The following SGCB variants were observed in gnomAD, a reference collection of about 807,000 sequenced individuals.
The protein encoded by SGCB is beta-sarcoglycan.
Under a neutral mutation model 27.3 loss-of-function variants are expected in SGCB, and 25 were observed. The ratio of observed to expected loss-of-function variants is 0.92; its 90% CI spans 0.67 to 1.28. SGCB has a LOEUF of 1.28. SGCB is among the 50% of genes most tolerant of loss of function. SGCB has a pLI of 0.00. For missense variants in SGCB, 436 were observed against 402.1 expected (o/e 1.08, Z -0.72); for synonymous variants, 147 against 133.5 (o/e 1.10, Z -0.70).
chr4:52,038,159 C>T lies in SGCB; in HGVS notation c.33+68G>A, dbSNP rs946057967. 14 of 1,161,364 alleles carry T rather than the reference C, an allele frequency of 1.2e-5. 1 individual carries two copies. Among genetic ancestry groups the T allele is most frequent in the Non-Finnish European group, 1.5e-5 (14 of 944,658 alleles). 71.9% of individuals were successfully genotyped at this position (1,161,364 alleles called of 1,614,324 possible). A position where few individuals can be genotyped will look rare whatever the true frequency, so the allele number is the denominator to read the frequency against. ...CCCGCACCCCCGGCCAGGGCTCCCG[C>T]GGGCCCAGCCGGCAGGACGCGGCCT... On this transcript the variant is annotated intron_variant, in intron 1 of 5. Coordinates refer to ENST00000381431, the MANE Select transcript of SGCB (RefSeq NM_000232.5).
At chr4:52,032,880 G>A (rs1448223012) in intron 2 of SGCB, among the ~76,000 whole-genome samples, 1 of 152,098 alleles carries the variant, frequency 6.6e-6, no homozygotes, top group Non-Finnish European at 1.5e-5. Flanking sequence ...AAATATCTTT[G>A]GAAAAGGCAT....
intron 3 of SGCB, 111 bp from the exon 4 acceptor site, chr4:52,029,032 A>G (rs1476090110): frequency 2.7e-6 from 2 of 748,088 alleles, no homozygotes; most frequent in South Asian, 3.2e-5. Context: ...AAAAACCCCA[A>G]TAACAGACTA....
rs769063117 is a variant in SGCB at position 52,028,116 on chromosome 4, C to G, written c.622-17G>C. On this transcript the variant is annotated splice_polypyrimidine_tract_variant and intron_variant, in intron 4 of 5. Coordinates refer to ENST00000381431, the MANE Select transcript of SGCB (RefSeq NM_000232.5). ...GCTGGTAATCTGAAAATTTAAAAAA[C>G]AAGTACTAAAAAGAGTTTCTAAATT... 2.5e-6 allele frequency: 4 copies of G among 1,591,888 alleles called. No homozygotes were observed. In the Admixed American group the frequency reaches 5.0e-5, roughly 20 times the overall value.
intron 2 of SGCB, among the ~76,000 whole-genome samples, chr4:52,031,194 T>G (rs985645364): frequency 5.9e-5 from 9 of 152,208 alleles, no homozygotes; most frequent in African/African-American, 2.2e-4. Context: ...TTTTCTTGAC[T>G]TATGTATTTG....
At position 52,024,099 on chromosome 4, in the gene SGCB, G is replaced by C. The variant is rs907615207; in HGVS notation, c.815C>G (p.Ser272Cys). ...MVSTTRLPSS[S>C]SGDQLGSGDW... ...ACCACTACCCAACTGGTCTCCACTG[G>C]AGGAACTGGGTAGGCGGGTGGTGCT... The change falls in exon 6 of 6, where the codon TCC (serine) becomes TGC (cysteine). Residue 272 changes from serine to cysteine, a missense_variant. Physicochemically the swap from Ser to Cys is moderately radical, Grantham distance 112. Transcript: ENST00000381431. The C allele has an allele frequency of 1.9e-6, 3 of 1,614,138 alleles. No homozygotes were observed. The Admixed American group carries it at 5.0e-5, about 27-fold the overall frequency.
intron 4 of SGCB, 66 bp from the exon 5 acceptor site, chr4:52,028,165 T>G: frequency 7.9e-7 from 1 of 1,268,510 alleles, no homozygotes; most frequent in Non-Finnish European, 1.1e-6. Context: ...TTATCAGAGA[T>G]AGAGAAATAG....
rs1191491347 is a variant in SGCB at position 52,026,251 on chromosome 4, T to C, written c.753+1717A>G. Among the ~76,000 whole-genome samples the C allele has an allele frequency of 3.1e-5, 3 of 96,652 alleles. No individual in the cohort carries two copies. The Admixed American group carries it at 3.1e-4, about 10-fold the overall frequency. 63.4% of individuals were successfully genotyped at this position (96,652 alleles called of 152,430 possible). A position where few individuals can be genotyped will look rare whatever the true frequency, so the allele number is the denominator to read the frequency against. On this transcript the variant is annotated intron_variant, in intron 5 of 5. Coordinates refer to ENST00000381431, the MANE Select transcript of SGCB (RefSeq NM_000232.5). Reference sequence around the variant, plus strand: ...TCTTTAAATTGTTTTTTGTTGTTGGTTTTTTTTTTTTTTTTTTTTTTTTTT... The same window carrying C: ...TCTTTAAATTGTTTTTTGTTGTTGGCTTTTTTTTTTTTTTTTTTTTTTTTT...
intron 1 of SGCB, 122 bp downstream of exon 1, chr4:52,038,103 CCG>C: frequency 3.7e-6 from 3 of 817,052 alleles, no homozygotes; most frequent in Non-Finnish European, 4.6e-6. Flanking sequence ...CCGATCGGCC[CCG>C]CCGAACCCAG....
At chr4:52,027,148 G>A (rs1286125452) in intron 5 of SGCB, among the ~76,000 whole-genome samples, 2 of 152,026 alleles carry the variant, frequency 1.3e-5, no homozygotes, top group South Asian at 2.1e-4. Flanking sequence ...AAGTCCCTAC[G>A]TTTAAGTTCA....
At chr4:52,038,094 C>CCAAA in intron 1 of SGCB, 133 bp downstream of exon 1, 4 of 446,330 alleles carry the variant, frequency 9.0e-6, no homozygotes, top group Non-Finnish European at 9.0e-6. Context: ...CGCCCCGCCC[C>CCAAA]GATCGGCCCC....
chr4:52,031,406 A>ATGTGTGTGTGTGTGTGTGTGTGTG (rs57599198), intron 2 of SGCB, among the ~76,000 whole-genome samples: 1 of 142,730 alleles, frequency 7.0e-6, no homozygotes, highest in African/African-American at 2.8e-5. Context: ...GTGTGTGTGT[A>ATGTGTGTGTGTGTGTGTGTGTGTG]TGTGTGTGTG....
chr4:52,032,476 G>A (rs1737274508), intron 2 of SGCB, among the ~76,000 whole-genome samples: 1 of 152,178 alleles, frequency 6.6e-6, no homozygotes, highest in African/African-American at 2.4e-5. Flanking sequence ...TTTTAGAGAA[G>A]AAGATAAAAA....
At position 52,022,565 on chromosome 4, in the gene SGCB, A is replaced by T. The variant is rs1011785906; in HGVS notation, c.*1392T>A. On this transcript the variant is annotated 3_prime_UTR_variant, in exon 6 of 6. Coordinates refer to ENST00000381431, the MANE Select transcript of SGCB (RefSeq NM_000232.5). The stretch of plus-strand genomic sequence containing the variant: ...GATAGTAATATTAGGAGCAGAGATA[A>T]ATTATTATCCTTACCTAAAAATTAT... 1 of 152,222 alleles carries T rather than the reference A, an allele frequency of 6.6e-6. No individual in the cohort carries two copies. Among genetic ancestry groups the T allele is most frequent in the Non-Finnish European group, 1.5e-5 (1 of 68,038 alleles). The allele number at this position is 152,222 out of a possible 1,614,324, so 9.4% of individuals were successfully genotyped here. A position where few individuals can be genotyped will look rare whatever the true frequency, so the allele number is the denominator to read the frequency against.
rs1042208340 is a variant in SGCB, at chr4:52,022,954, T to C, written c.*1003A>G. 1 of 152,212 alleles carries C rather than the reference T, an allele frequency of 6.6e-6. No homozygotes were observed. The highest frequency in any genetic ancestry group is 2.4e-5 in the African/African-American group (1 of 41,444). The allele number at this position is 152,212 out of a possible 1,614,324, so 9.4% of individuals were successfully genotyped here. On this transcript the variant is annotated 3_prime_UTR_variant, in exon 6 of 6. Coordinates refer to ENST00000381431, the MANE Select transcript of SGCB (RefSeq NM_000232.5). Reference sequence around the variant, plus strand: ...TTTCTTTTTAACTAGAGTAAGCATATCTGTTTTGTTTGATTCTCATCTTCT... The same window carrying C: ...TTTCTTTTTAACTAGAGTAAGCATACCTGTTTTGTTTGATTCTCATCTTCT...
At chr4:52,030,812 T>A (rs1056951019) in intron 2 of SGCB, among the ~76,000 whole-genome samples, 1 of 152,218 alleles carries the variant, frequency 6.6e-6, no homozygotes, top group Non-Finnish European at 1.5e-5. Flanking sequence ...GAGCACATCC[T>A]CCAGTGGCTT....
Position 52,024,034 on chromosome 4 carries a change from T to C in SGCB, c.880A>G (p.Thr294Ala). ...RYKLCMCADG[T>A]LFKVQVTSQN... ...CTGGTTACTTGCACCTTGAAGAGCG[T>C]CCCATCAGCACACATGCAGAGCTTG... is the stretch of plus-strand genomic sequence containing the variant. Residue 294 changes from threonine to alanine, a missense_variant, in exon 6 of 6, where the codon ACG (threonine) becomes GCG (alanine). Thr to Ala is a moderately conservative substitution (Grantham distance 58). Transcript: ENST00000381431. 2 of 1,614,116 alleles carry C rather than the reference T, an allele frequency of 1.2e-6. No homozygotes were observed. The highest frequency in any genetic ancestry group is 1.1e-5 in the South Asian group (1 of 91,078).
intron 5 of SGCB, among the ~76,000 whole-genome samples, chr4:52,025,248 A>G (rs2110210414): frequency 6.6e-6 from 1 of 152,332 alleles, no homozygotes; most frequent in Admixed American, 6.5e-5. Flanking sequence ...ATAAGACATC[A>G]GGTGGGATAA....
chr4:52,029,276 G>T (rs1405541158), intron 3 of SGCB, among the ~76,000 whole-genome samples: 2 of 152,188 alleles, frequency 1.3e-5, no homozygotes, highest in Non-Finnish European at 2.9e-5. Flanking sequence ...CCACTGACTA[G>T]ATTGGCATAT....
In SGCB at chr4:52,036,446, G is replaced by T. The variant is rs556547277; in HGVS notation, c.33+1781C>A. ...AAGAACAATGGACTTTATCCTGAAG[G>T]CAAAGGGGAACTACTGAAGAGTTAA... On this transcript the variant is annotated intron_variant, in intron 1 of 5. Transcript: ENST00000381431. Among the ~76,000 whole-genome samples, 13 of 152,266 alleles carry T rather than the reference G, an allele frequency of 8.5e-5. 3 individuals carry two copies. The highest frequency in any genetic ancestry group is 2.9e-4 in the African/African-American group (12 of 41,566).
Sources: allele counts gnomAD v4.1 joint callset (sites outside exome capture counted in the v4.1 genomes callset), GRCh38; gene constraint gnomAD v4.1.1; transcripts MANE v1.5; gene names NCBI Gene and HGNC (gene_info 2026-07-23, HGNC 2026-07-21).